HCN1: variants seen among roughly 807,000 people sequenced by gnomAD.
The protein encoded by HCN1 is hyperpolarization activated cyclic nucleotide gated potassium channel 1.
In HCN1, 13 loss-of-function variants were observed where a neutral mutation model predicts 78.9. That is an observed-to-expected ratio of 0.16 (90% CI 0.11 to 0.26). HCN1 has a LOEUF of 0.26. Among genes scored for constraint, HCN1 ranks in the 10% least tolerant of loss-of-function variants. The pLI is 1.00. For synonymous variants in HCN1, 552 were observed against 455.5 expected (o/e 1.21, Z -2.70); for missense variants, 810 against 1,154.3 (o/e 0.70, Z 4.32).
intron 2 of HCN1, among the ~76,000 whole-genome samples, chr5:45,513,738 T>G (rs965771366): frequency 6.6e-6 from 1 of 152,152 alleles, no homozygotes; most frequent in African/African-American, 2.4e-5. Context: ...CCTGAAACCA[T>G]TGCCCCACCC....
chr5:45,343,983 C>G (rs1051915743), intron 5 of HCN1, among the ~76,000 whole-genome samples: 1 of 152,024 alleles, frequency 6.6e-6, no homozygotes, highest in East Asian at 1.9e-4. Context: ...TATTATAATG[C>G]TGTTAATAAA....
chr5:45,476,110 T>C (rs1339918828), intron 2 of HCN1, among the ~76,000 whole-genome samples: 2 of 152,182 alleles, frequency 1.3e-5, no homozygotes, highest in Non-Finnish European at 2.9e-5. Context: ...AAGGTTTCCA[T>C]AGATGTGGTC....
At chr5:45,351,036 A>C (rs1179769943) in intron 5 of HCN1, among the ~76,000 whole-genome samples, 2 of 152,292 alleles carry the variant, frequency 1.3e-5, no homozygotes, top group Admixed American at 6.5e-5. Flanking sequence ...TTTAAAATAC[A>C]TATGGAACCA....
intron 3 of HCN1, among the ~76,000 whole-genome samples, chr5:45,417,937 T>G (rs1740150714): frequency 6.6e-6 from 1 of 151,776 alleles, no homozygotes; most frequent in South Asian, 2.1e-4. Context: ...ACGTGTTAAT[T>G]CTAAATATAC....
Position 45,262,094 on chromosome 5 carries a change from T to C in HCN1, c.2500A>G (p.Thr834Ala). The C allele has an allele frequency of 6.2e-7, 1 of 1,612,962 alleles. No homozygotes were observed. The highest frequency in any genetic ancestry group is 8.5e-7 in the Non-Finnish European group (1 of 1,179,314). The change falls in exon 8 of 8, where the codon ACT becomes GCT. Residue 834 changes from threonine (T) to alanine (A), a missense_variant. Transcript: ENST00000303230. Reference sequence around the variant, plus strand: ...AAGAGGGTGACGCGCTGCGGGACAGTGCTCCTGCCCCCTGCCTGAAGGCCC... The same window carrying C: ...AAGAGGGTGACGCGCTGCGGGACAGCGCTCCTGCCCCCTGCCTGAAGGCCC... The part of the protein sequence containing the change: ...GTGLQAGGRS[T>A]VPQRVTLFRQ...
At chr5:45,387,747 A>T (rs954124133) in intron 4 of HCN1, among the ~76,000 whole-genome samples, 20 of 152,276 alleles carry the variant, frequency 1.3e-4, no homozygotes, top group African/African-American at 4.3e-4. Flanking sequence ...TATTAGTGGG[A>T]CATACGTTCC....
chr5:45,340,614 G>C (rs555528662), intron 5 of HCN1, among the ~76,000 whole-genome samples: 7 of 151,860 alleles, frequency 4.6e-5, no homozygotes, highest in African/African-American at 1.7e-4. Flanking sequence ...TTGTGAAGAA[G>C]TTTTAGATTT....
chr5:45,397,216 A>C (rs116192571), intron 3 of HCN1, among the ~76,000 whole-genome samples: 309 of 152,280 alleles, frequency 2.0e-3, no homozygotes, highest in African/African-American at 6.9e-3. Context: ...AAAAATTTGA[A>C]CAAATATATA....
At chr5:45,496,073 G>T (rs1336727241) in intron 2 of HCN1, among the ~76,000 whole-genome samples, 4 of 152,060 alleles carry the variant, frequency 2.6e-5, no homozygotes, top group African/African-American at 7.2e-5. Context: ...TTTTTTGGTT[G>T]TGTCTCTGCA....
chr5:45,380,594 A>T (rs150781480), intron 4 of HCN1, among the ~76,000 whole-genome samples: 200 of 152,244 alleles, frequency 1.3e-3, no homozygotes, highest in African/African-American at 4.8e-3. Flanking sequence ...GGTAAAAATG[A>T]TATATTTTAT....
intron 5 of HCN1, among the ~76,000 whole-genome samples, chr5:45,311,186 T>C (rs543405242): frequency 1.1e-3 from 174 of 152,286 alleles, no homozygotes; most frequent in African/African-American, 3.9e-3. Flanking sequence ...TTAAAAAATC[T>C]ATAATTATTT....
rs1177991574 is a variant in HCN1, at chr5:45,257,835, T to C, written c.*4086A>G. On this transcript the variant is annotated 3_prime_UTR_variant, in exon 8 of 8. Transcript: ENST00000303230. ...CTGTATTTTATTTATTTGTATGTGCTACAATTTGGTGCATGCAGCAACCAC... is the reference window on the plus strand; with the variant it reads ...CTGTATTTTATTTATTTGTATGTGCCACAATTTGGTGCATGCAGCAACCAC... 6.6e-6 allele frequency: 1 copy of C among 152,138 alleles called. No individual in the cohort carries two copies. The highest frequency in any genetic ancestry group is 2.4e-5 in the African/African-American group (1 of 41,386). The allele number at this position is 152,138 out of a possible 1,614,324, so 9.4% of individuals were successfully genotyped here.
chr5:45,317,295 T>G (rs1482256316), intron 5 of HCN1, among the ~76,000 whole-genome samples: 1 of 152,068 alleles, frequency 6.6e-6, no homozygotes, highest in African/African-American at 2.4e-5. Context: ...TTGACAAACT[T>G]GACAAAAACA....
chr5:45,336,897 C>T (rs1746468851), intron 5 of HCN1, among the ~76,000 whole-genome samples: 1 of 151,906 alleles, frequency 6.6e-6, no homozygotes, highest in African/African-American at 2.4e-5. Context: ...AGGGCTCCAC[C>T]CTCATGGCCT....
chr5:45,599,688 T>G (rs974814920), intron 2 of HCN1, among the ~76,000 whole-genome samples: 7 of 152,066 alleles, frequency 4.6e-5, no homozygotes, highest in African/African-American at 1.7e-4. Context: ...AATAGTCGAG[T>G]TGCTTTTTAC....
chr5:45,372,007 A>G (rs1249220506), intron 4 of HCN1, among the ~76,000 whole-genome samples: 2 of 77,512 alleles, frequency 2.6e-5, no homozygotes, highest in East Asian at 6.6e-4. Context: ...TATATAGTAT[A>G]TATCATATAA....
At chr5:45,320,726 TTA>T (rs1414743956) in intron 5 of HCN1, among the ~76,000 whole-genome samples, 1 of 151,766 alleles carries the variant, frequency 6.6e-6, no homozygotes, top group Admixed American at 6.6e-5. Flanking sequence ...TTTTTTTGAG[TTA>T]TATATGTTTG....
rs576634297 is a variant in HCN1 at position 45,694,183 on chromosome 5, T to C, written c.425+1486A>G. The stretch of plus-strand genomic sequence containing the variant: ...TTTAATATGAACATTTTCTTTTTTT[T>C]AAAATTTTTAATGAACGTTCTTTCA... On this transcript the variant is annotated intron_variant, in intron 1 of 7. Coordinates refer to ENST00000303230, the MANE Select transcript of HCN1 (RefSeq NM_021072.4). Among the ~76,000 whole-genome samples, 6 of 152,348 alleles carry C rather than the reference T, an allele frequency of 3.9e-5. 1 individual carries two copies. Among genetic ancestry groups the C allele is most frequent in the African/African-American group, 1.4e-4 (6 of 41,588 alleles).
chr5:45,500,480 G>T (rs144136139), intron 2 of HCN1, among the ~76,000 whole-genome samples: 197 of 152,264 alleles, frequency 1.3e-3, no homozygotes, highest in Admixed American at 3.3e-3. Flanking sequence ...AAAATTAGTG[G>T]ATAATATGTG....
Sources: allele counts gnomAD v4.1 joint callset (sites outside exome capture counted in the v4.1 genomes callset), GRCh38; gene constraint gnomAD v4.1.1; transcripts MANE v1.5; gene names NCBI Gene and HGNC (gene_info 2026-07-23, HGNC 2026-07-21).